Variants in LDLRAD3 observed in about 807,000 individuals in gnomAD.
LDLRAD3 encodes low density lipoprotein receptor class A domain containing 3.
LDLRAD3 carries 20 observed loss-of-function variants against 29.4 expected under a neutral mutation model. That is an observed-to-expected ratio of 0.68 (90% CI 0.48 to 0.99). The LOEUF is 0.99. Among genes scored for constraint, LDLRAD3 ranks in the 50% least tolerant of loss-of-function variants. The pLI is 0.00. For missense variants in LDLRAD3, 420 were observed against 454.3 expected (o/e 0.92, Z 0.69); for synonymous variants, 157 against 192.7 (o/e 0.81, Z 1.53).
chr11:35,974,647 T>C (rs1162035173), intron 1 of LDLRAD3, among the ~76,000 whole-genome samples: 1 of 152,242 alleles, frequency 6.6e-6, no homozygotes. Context: ...TTGCTGGCTG[T>C]TGACTGGAGG....
chr11:36,229,383 A>T lies in LDLRAD3; in HGVS notation c.1024A>T (p.Thr342Ser), dbSNP rs35922204. 1.3e-3 allele frequency: 2,161 copies of T among 1,610,682 alleles called. 28 individuals carry two copies. The African/African-American group carries it at 0.025, about 18-fold the overall frequency. ...EPRDSEPSQG[T>S]EEV ...CAGGGACTCTGAGCCCAGCCAGGGC[A>T]CTGAAGAAGTATAAGTCCCAGTTAT... Residue 342 changes from threonine (T) to serine (S), a missense_variant, in exon 6 of 6, where the codon ACT becomes TCT. Thr to Ser is a moderately conservative substitution (Grantham distance 58). Around this residue, in one of 3 missense-constraint regions of LDLRAD3, gnomAD observed 140 missense variants for 139.9 expected, o/e 1.00. Coordinates refer to ENST00000315571, the MANE Select transcript of LDLRAD3 (RefSeq NM_174902.4).
chr11:36,145,854 G>A (rs1357228780), intron 4 of LDLRAD3, among the ~76,000 whole-genome samples: 1 of 151,456 alleles, frequency 6.6e-6, no homozygotes, highest in African/African-American at 2.4e-5. Context: ...AAGTACCCAG[G>A]GACACAAACA....
At chr11:36,066,595 T>A (rs1220244597) in intron 2 of LDLRAD3, among the ~76,000 whole-genome samples, 4 of 152,214 alleles carry the variant, frequency 2.6e-5, no homozygotes. Flanking sequence ...TAAAAACCCC[T>A]TTACATTATA....
intron 4 of LDLRAD3, among the ~76,000 whole-genome samples, chr11:36,176,656 C>T (rs6484822): frequency 0.95 from 145,212 of 152,266 alleles, 69,570 homozygotes; most frequent in East Asian, 1. Flanking sequence ...CCCTTCTAGC[C>T]TGCAGGGTTT....
chr11:36,103,099 C>T (rs758674568), intron 4 of LDLRAD3, among the ~76,000 whole-genome samples: 5 of 152,088 alleles, frequency 3.3e-5, no homozygotes, highest in Non-Finnish European at 5.9e-5. Flanking sequence ...TTTTGCAAAT[C>T]TGAAACTCTA....
intron 4 of LDLRAD3, among the ~76,000 whole-genome samples, chr11:36,180,364 G>A (rs1565283589): frequency 1.3e-5 from 2 of 152,124 alleles, no homozygotes; most frequent in Non-Finnish European, 2.9e-5. Flanking sequence ...TGTCTGCCCT[G>A]TGGCAGATTC....
chr11:36,056,716 T>C (rs1852626524), intron 2 of LDLRAD3, among the ~76,000 whole-genome samples: 1 of 152,196 alleles, frequency 6.6e-6, no homozygotes, highest in Admixed American at 6.5e-5. Flanking sequence ...AGCAGTGGCT[T>C]GAAGCATCAG....
intron 1 of LDLRAD3, among the ~76,000 whole-genome samples, chr11:36,018,972 C>T (rs997127703): frequency 5.3e-5 from 8 of 151,948 alleles, no homozygotes; most frequent in African/African-American, 1.9e-4. Flanking sequence ...TGTTTTAAAA[C>T]ACACATTTAG....
chr11:36,191,769 T>C (rs1854957432), intron 4 of LDLRAD3, among the ~76,000 whole-genome samples: 2 of 151,362 alleles, frequency 1.3e-5, no homozygotes, highest in Non-Finnish European at 2.9e-5. Flanking sequence ...AGGGGGAAAC[T>C]TTTGTTTTCC....
chr11:36,180,453 C>T (rs1854742703), intron 4 of LDLRAD3, among the ~76,000 whole-genome samples: 1 of 152,098 alleles, frequency 6.6e-6, no homozygotes, highest in African/African-American at 2.4e-5. Context: ...TCTAGAGGCA[C>T]TGTACATGTA....
intron 4 of LDLRAD3, among the ~76,000 whole-genome samples, chr11:36,105,779 G>T (rs1390695662): frequency 6.6e-6 from 1 of 152,138 alleles, no homozygotes; most frequent in Non-Finnish European, 1.5e-5. Flanking sequence ...TTTGATCTTG[G>T]ACTTCTGGCC....
At chr11:35,968,272 C>T (rs911926477) in intron 1 of LDLRAD3, 4 of 393,040 alleles carry the variant, frequency 1.0e-5, no homozygotes, top group African/African-American at 2.1e-5. Flanking sequence ...GAGGTCATCT[C>T]ATCCTTGGGA....
intron 5 of LDLRAD3, 114 bp downstream of exon 5, chr11:36,227,544 T>A: frequency 1.3e-6 from 1 of 752,016 alleles, no homozygotes; most frequent in Non-Finnish European, 2.0e-6. Context: ...TCAGCTGCTA[T>A]AGGCAGTGGC....
chr11:36,108,582 G>T (rs1853565105), intron 4 of LDLRAD3, among the ~76,000 whole-genome samples: 1 of 152,052 alleles, frequency 6.6e-6, no homozygotes, highest in African/African-American at 2.4e-5. Flanking sequence ...TCTTTCTCAA[G>T]ACAAGATGCT....
chr11:36,143,368 G>C (rs967380782), intron 4 of LDLRAD3, among the ~76,000 whole-genome samples: 1 of 152,220 alleles, frequency 6.6e-6, no homozygotes, highest in African/African-American at 2.4e-5. Flanking sequence ...ACCAGAAGAA[G>C]CTGGCACATC....
chr11:35,974,745 G>A (rs956018448), intron 1 of LDLRAD3, among the ~76,000 whole-genome samples: 3 of 152,132 alleles, frequency 2.0e-5, no homozygotes, highest in Non-Finnish European at 4.4e-5. Context: ...CAGCATGATG[G>A]GAGCTGCAAT....
intron 4 of LDLRAD3, among the ~76,000 whole-genome samples, chr11:36,179,217 T>C (rs1215195756): frequency 6.6e-6 from 1 of 152,170 alleles, no homozygotes; most frequent in East Asian, 1.9e-4. Flanking sequence ...CTCATGCCTG[T>C]AATCCCAGCA....
At chr11:36,203,350 A>T (rs1353632707) in intron 4 of LDLRAD3, among the ~76,000 whole-genome samples, 1 of 152,160 alleles carries the variant, frequency 6.6e-6, no homozygotes, top group Admixed American at 6.5e-5. Flanking sequence ...CATTTTACAG[A>T]TGAGGAAAAC....
chr11:36,103,148 A>G lies in LDLRAD3; in HGVS notation c.454+4687A>G, dbSNP rs545760760. Among the ~76,000 whole-genome samples the G allele has an allele frequency of 1.2e-3, 179 of 151,540 alleles. 1 individual carries two copies. Among genetic ancestry groups the G allele is most frequent in the African/African-American group, 4.1e-3 (171 of 41,310 alleles). ...ATAACTCCCTATTCTCCTTCCCCCC[A>G]GGCCCCGGGCAGTCATCATTCTACT... On this transcript the variant is annotated intron_variant, in intron 4 of 5. Transcript: ENST00000315571.
Sources: gnomAD v4.1 joint callset for allele counts (sites outside exome capture counted in the v4.1 genomes callset) on GRCh38, gnomAD v4.1.1 for gene constraint, gnomAD v4.1.1 regional missense constraint, MANE v1.5 for transcripts, NCBI Gene and HGNC (gene_info 2026-07-23, HGNC 2026-07-21) for gene names.